Variants in SLC15A1 observed in about 807,000 individuals in gnomAD.
The protein encoded by SLC15A1 is Caco-2 oligopeptide transporter.
Under a neutral mutation model 92.9 loss-of-function variants are expected in SLC15A1, and 83 were observed. That is an observed-to-expected ratio of 0.89 (90% CI 0.75 to 1.07). The LOEUF is 1.07. SLC15A1 is among the 50% of genes least tolerant of loss of function. The pLI, the probability that SLC15A1 is intolerant of heterozygous loss-of-function variation, is 0.00. For missense variants in SLC15A1, 857 were observed against 880.1 expected, an observed-to-expected ratio of 0.97 and a Z score of 0.33; for synonymous variants, 322 against 318.2, an observed-to-expected ratio of 1.01 and a Z score of -0.13.
chr13:98,698,706 G>C (rs1459469268), intron 18 of SLC15A1, among the ~76,000 whole-genome samples: 2 of 152,104 alleles, frequency 1.3e-5, no homozygotes, highest in Non-Finnish European at 2.9e-5. Context: ...CAAAGTGCTG[G>C]GATTACAGGC....
rs765514087 is a variant in SLC15A1 at position 98,686,146 on chromosome 13, C to G, written c.1935+44G>C. ...GGAAGGCCACCATGATGACCATGAA[C>G]AGGAAAGACAGAGGTATGTGCAATC... On this transcript the variant is annotated intron_variant, in intron 22 of 22. Transcript: ENST00000376503. The G allele has an allele frequency of 4.3e-6, 6 of 1,409,990 alleles. No homozygotes were observed. The Admixed American group carries it at 1.0e-4, about 25-fold the overall frequency. The allele number at this position is 1,409,990 out of a possible 1,614,324, so 87.3% of individuals were successfully genotyped here.
intron 1 of SLC15A1, among the ~76,000 whole-genome samples, chr13:98,734,154 C>T (rs1432073848): frequency 5.3e-5 from 8 of 152,100 alleles, no homozygotes; most frequent in South Asian, 4.2e-4. Context: ...TTAGTAGAGA[C>T]GGGGTTTCAC....
chr13:98,714,944 C>G (rs1278127230), intron 9 of SLC15A1, among the ~76,000 whole-genome samples: 2 of 152,088 alleles, frequency 1.3e-5, no homozygotes, highest in South Asian at 4.1e-4. Context: ...TGTGTATATG[C>G]ATATCCTATG....
intron 11 of SLC15A1, 37 bp from the exon 12 acceptor site, chr13:98,709,948 T>A: frequency 6.2e-7 from 1 of 1,609,288 alleles, no homozygotes; most frequent in East Asian, 2.2e-5. Context: ...TATTTGGGGA[T>A]GTGGGTTTTT....
chr13:98,693,604 A>G (rs1332407015), intron 18 of SLC15A1, among the ~76,000 whole-genome samples: 4 of 152,192 alleles, frequency 2.6e-5, no homozygotes, highest in Non-Finnish European at 4.4e-5. Flanking sequence ...TTCTTTATGT[A>G]TTCTGGATAT....
chr13:98,726,417 G>A lies in SLC15A1; in HGVS notation c.54C>T (p.Phe18=), dbSNP rs1055958186. Residue 18 remains phenylalanine, a synonymous_variant, in exon 3 of 23, where the codon TTC becomes TTT. Coordinates refer to ENST00000376503, the MANE Select transcript of SLC15A1 (RefSeq NM_005073.4). Reference sequence around the variant, plus strand: ...TTTCGCAAAACTCATTGACCACGATGAAGAAGATGCTCAGGGGATAACCAA... The same window carrying A: ...TTTCGCAAAACTCATTGACCACGATAAAGAAGATGCTCAGGGGATAACCAA... The part of the protein sequence containing the change: ...SFFGYPLSIF[F]IVVNEFCERF... 6.2e-7 allele frequency: 1 copy of A among 1,613,966 alleles called. No homozygotes were observed. Among genetic ancestry groups the A allele is most frequent in the Non-Finnish European group, 8.5e-7 (1 of 1,179,992 alleles).
chr13:98,699,490 T>C (rs1171580890), intron 18 of SLC15A1, among the ~76,000 whole-genome samples: 1 of 152,248 alleles, frequency 6.6e-6, no homozygotes, highest in East Asian at 1.9e-4. Flanking sequence ...CCTTTTTTGC[T>C]GAGTGGTGGG....
At chr13:98,704,577 G>T in intron 16 of SLC15A1, 142 bp from the exon 17 acceptor site, 1 of 775,266 alleles carries the variant, frequency 1.3e-6, no homozygotes, top group Non-Finnish European at 2.0e-6. Context: ...TGGGGAGTTG[G>T]CCTTTATTTG....
At chr13:98,689,618 A>AT (rs2087959312) in intron 18 of SLC15A1, among the ~76,000 whole-genome samples, 1 of 151,644 alleles carries the variant, frequency 6.6e-6, no homozygotes, top group Non-Finnish European at 1.5e-5. Context: ...GCTAATTTTT[A>AT]TTTTTATTTT....
At chr13:98,741,302 G>T (rs533525109) in intron 1 of SLC15A1, among the ~76,000 whole-genome samples, 5 of 152,316 alleles carry the variant, frequency 3.3e-5, no homozygotes, top group African/African-American at 1.2e-4. Flanking sequence ...ATCCTCAACT[G>T]CTCTTCATAG....
chr13:98,724,121 C>A lies in SLC15A1; in HGVS notation c.246-90G>T, dbSNP rs920163655. 5.9e-6 allele frequency: 9 copies of A among 1,515,796 alleles called. No individual in the cohort carries two copies. In the East Asian group the frequency reaches 2.0e-4, roughly 34 times the overall value. The allele number at this position is 1,515,796 out of a possible 1,614,324, so 93.9% of individuals were successfully genotyped here. A position where few individuals can be genotyped will look rare whatever the true frequency, so the allele number is the denominator to read the frequency against. ...CCACAAAAGACCCCCTCCTTGAAAG[C>A]TTTCAAGAGCCCAATCCTGAATACA... On this transcript the variant is annotated intron_variant, in intron 4 of 22. Transcript: ENST00000376503.
chr13:98,700,048 T>A (rs2088054648), intron 18 of SLC15A1, among the ~76,000 whole-genome samples: 1 of 152,250 alleles, frequency 6.6e-6, no homozygotes, highest in South Asian at 2.1e-4. Context: ...CTATTTACAT[T>A]GAGCTTTTAG....
intron 1 of SLC15A1, among the ~76,000 whole-genome samples, chr13:98,728,949 C>T (rs2088323700): frequency 7.9e-6 from 1 of 126,286 alleles, no homozygotes. Context: ...CCACTGCACT[C>T]CAGCCTAGGC....
At chr13:98,747,766 A>G (rs2088506005) in intron 1 of SLC15A1, among the ~76,000 whole-genome samples, 1 of 152,162 alleles carries the variant, frequency 6.6e-6, no homozygotes. Context: ...CTGTGATCCC[A>G]GCTACTCTGG....
intron 1 of SLC15A1, among the ~76,000 whole-genome samples, chr13:98,742,140 G>T (rs1230620588): frequency 1.3e-5 from 2 of 152,226 alleles, no homozygotes; most frequent in Non-Finnish European, 2.9e-5. Flanking sequence ...GCCGTGAGGG[G>T]CTCCACCTCC....
At chr13:98,704,970 A>C (rs1238621673) in intron 16 of SLC15A1, among the ~76,000 whole-genome samples, 1 of 152,052 alleles carries the variant, frequency 6.6e-6, no homozygotes, top group Non-Finnish European at 1.5e-5. Flanking sequence ...AGGCTGAGGC[A>C]GGCCAATCTC....
rs771947093 is a variant in SLC15A1, at chr13:98,715,961, C to T, written c.641-1G>A. Reference sequence around the variant, plus strand: ...ATCCCACTGCCAAGGACAAACACAACTAGATAGGGCAGAAGAAGACATGTC... The same window carrying T: ...ATCCCACTGCCAAGGACAAACACAATTAGATAGGGCAGAAGAAGACATGTC... On this transcript the variant is annotated splice_acceptor_variant, in intron 8 of 22. Transcript: ENST00000376503. LOFTEE classifies it high-confidence loss of function. 1 of 1,613,892 alleles carries T rather than the reference C, an allele frequency of 6.2e-7. No homozygotes were observed. Among genetic ancestry groups the T allele is most frequent in the Non-Finnish European group, 8.5e-7 (1 of 1,179,764 alleles).
chr13:98,720,643 C>T (rs2088249303), intron 7 of SLC15A1: 1 of 163,058 alleles, frequency 6.1e-6, no homozygotes, highest in South Asian at 1.6e-4. Flanking sequence ...AATTCACAAA[C>T]TCTCTATGGA....
At chr13:98,705,121 C>T (rs549496154) in intron 16 of SLC15A1, among the ~76,000 whole-genome samples, 25 of 150,674 alleles carry the variant, frequency 1.7e-4, no homozygotes, top group South Asian at 8.4e-4. Flanking sequence ...ATCGCTTAAA[C>T]CCAGGAGGCA....
Sources: allele counts gnomAD v4.1 joint callset (sites outside exome capture counted in the v4.1 genomes callset), GRCh38; gene constraint gnomAD v4.1.1; transcripts MANE v1.5; gene names NCBI Gene and HGNC (gene_info 2026-07-23, HGNC 2026-07-21).